The following MRNIP variants were observed in gnomAD, a reference collection of about 807,000 sequenced individuals.
The protein encoded by MRNIP is MRN complex interacting protein, also known as MRN complex-interacting protein.
A neutral mutation model predicts 29.8 loss-of-function variants in MRNIP; 30 were observed. That is an observed-to-expected ratio of 1.01 (90% CI 0.75 to 1.36). MRNIP has a LOEUF of 1.36. Among genes scored for constraint, MRNIP ranks in the 40% most tolerant of loss-of-function variants. MRNIP has a pLI of 0.00. For synonymous variants in MRNIP, 201 were observed against 164.1 expected, an observed-to-expected ratio of 1.23 and a Z score of -1.72; for missense variants, 459 against 423.5, an observed-to-expected ratio of 1.08 and a Z score of -0.74.
rs745619371 is a variant in MRNIP, at chr5:179,844,184, C to T, written c.259G>A (p.Gly87Arg). The T allele has an allele frequency of 6.2e-7, 1 of 1,614,108 alleles. No homozygotes were observed. Among genetic ancestry groups the T allele is most frequent in the Admixed American group, 1.7e-5 (1 of 60,016 alleles). ...TVSASEEENV[G>R]HQQAGNVKQQ... is the part of the protein sequence containing the mutation. The stretch of plus-strand genomic sequence containing the variant: ...TTCACATTCCCAGCCTGCTGGTGTC[C>T]CACGTTTTCTTCTTCACTGGCACTG... Residue 87 changes from glycine to arginine, a missense_variant, in exon 4 of 7, where the codon GGA becomes AGA. Coordinates refer to ENST00000292586, the MANE Select transcript of MRNIP (RefSeq NM_016175.4).
intron 1 of MRNIP, among the ~76,000 whole-genome samples, chr5:179,854,393 T>C (rs1759498005): frequency 6.6e-6 from 1 of 152,210 alleles, no homozygotes; most frequent in South Asian, 2.1e-4. Flanking sequence ...ACATTTAGCG[T>C]ATCATAATCA....
chr5:179,843,927 G>C (rs534058968), intron 4 of MRNIP, among the ~76,000 whole-genome samples: 1 of 152,252 alleles, frequency 6.6e-6, no homozygotes, highest in East Asian at 1.9e-4. Flanking sequence ...GCAGACAGAG[G>C]AGAGAGTCCT....
intron 2 of MRNIP, among the ~76,000 whole-genome samples, chr5:179,849,402 T>C (rs1423404285): frequency 8.0e-4 from 105 of 131,804 alleles, no homozygotes; most frequent in African/African-American, 2.9e-3. Context: ...TGGTAAGAGA[T>C]GGAATTTGTG....
chr5:179,851,153 T>C (rs762295097), intron 2 of MRNIP: 19 of 450,554 alleles, frequency 4.2e-5, no homozygotes, highest in Non-Finnish European at 6.7e-5. Context: ...CACAGAGGCA[T>C]TGAGGGGAGT....
At chr5:179,855,453 C>T (rs1036259329) in intron 1 of MRNIP, among the ~76,000 whole-genome samples, 24 of 152,142 alleles carry the variant, frequency 1.6e-4, no homozygotes, top group African/African-American at 1.9e-4. Context: ...ATTTTTTATC[C>T]GAAAACCAAC....
chr5:179,852,365 T>C (rs570381927), intron 2 of MRNIP, among the ~76,000 whole-genome samples: 2 of 151,816 alleles, frequency 1.3e-5, no homozygotes, highest in East Asian at 1.9e-4. Context: ...GCTGGTCACG[T>C]GGATAAAGAG....
Position 179,838,223 on chromosome 5 carries a change from G to A in MRNIP, c.538-338C>T, listed in dbSNP as rs554693479. 8.9e-6 allele frequency: 3 copies of A among 338,140 alleles called. No individual in the cohort carries two copies. In the South Asian group the frequency reaches 1.1e-4, roughly 12 times the overall value. 20.9% of individuals were successfully genotyped at this position (338,140 alleles called of 1,614,324 possible). On this transcript the variant is annotated intron_variant, in intron 6 of 6. Transcript: ENST00000292586. ...AGAAGGGCCTCGAGACATCGGGAAA[G>A]GGGTGCGCTGGCTCCATTCTGCTAC...
At chr5:179,848,364 A>G (rs1477589735) in intron 2 of MRNIP, among the ~76,000 whole-genome samples, 1 of 152,240 alleles carries the variant, frequency 6.6e-6, no homozygotes, top group Non-Finnish European at 1.5e-5. Flanking sequence ...CACATGAGTA[A>G]AAAGGTCACA....
intron 2 of MRNIP, among the ~76,000 whole-genome samples, chr5:179,850,450 C>T (rs1391337399): frequency 6.6e-6 from 1 of 152,214 alleles, no homozygotes. Context: ...TCCTCAACAC[C>T]CCACTGGCAG....
intron 1 of MRNIP, among the ~76,000 whole-genome samples, chr5:179,854,889 T>C (rs991568596): frequency 2.0e-5 from 3 of 152,200 alleles, no homozygotes; most frequent in South Asian, 4.1e-4. Context: ...CCCACTCTAA[T>C]GCTGGAGAAT....
At chr5:179,847,786 C>T (rs538858787) in intron 3 of MRNIP, 192 bp downstream of exon 3, 361 of 543,404 alleles carry the variant, frequency 6.6e-4, no homozygotes, top group Admixed American at 5.4e-4. Flanking sequence ...AAGCTCAGCC[C>T]CAGTATTCTA....
rs1244491042 is a variant in MRNIP at position 179,853,387 on chromosome 5, G to C, written c.117C>G (p.Ser39=). Residue 39 remains serine, a synonymous_variant, in exon 2 of 7, where the codon TCC becomes TCG. Transcript: ENST00000292586. ...GTTTTGTAGGACTCACCTGCAAAAA[G>C]GACTGCTTCTCTCCACAAGCTTTGC... ...WTCKACGEKQ[S]FLQAYGEGSG... The C allele has an allele frequency of 8.7e-6, 14 of 1,612,986 alleles. No individual in the cohort carries two copies. Among genetic ancestry groups the C allele is most frequent in the Non-Finnish European group, 1.2e-5 (14 of 1,179,698 alleles).
intron 2 of MRNIP, among the ~76,000 whole-genome samples, chr5:179,851,871 A>G (rs1044269853): frequency 1.3e-5 from 2 of 152,112 alleles, no homozygotes; most frequent in East Asian, 3.9e-4. Flanking sequence ...CCAGCTACTC[A>G]GGAGGCTGAG....
chr5:179,854,763 C>T (rs1220225788), intron 1 of MRNIP, among the ~76,000 whole-genome samples: 1 of 150,990 alleles, frequency 6.6e-6, no homozygotes, highest in Non-Finnish European at 1.5e-5. Context: ...AAAAAAATTC[C>T]ATAATATTTA....
intron 3 of MRNIP, 29 bp from the exon 4 acceptor site, chr5:179,844,256 T>C (rs145118308): frequency 1.3e-6 from 2 of 1,590,342 alleles, no homozygotes; most frequent in Non-Finnish European, 1.7e-6. Flanking sequence ...ATATGCCCTT[T>C]GAAAAATGAC....
At chr5:179,854,808 G>A (rs995626132) in intron 1 of MRNIP, among the ~76,000 whole-genome samples, 3 of 151,800 alleles carry the variant, frequency 2.0e-5, no homozygotes, top group African/African-American at 4.8e-5. Context: ...AAAAAATTCC[G>A]TAACATTTAT....
chr5:179,841,789 G>T, intron 5 of MRNIP, 118 bp downstream of exon 5: 1 of 1,093,204 alleles, frequency 9.1e-7, no homozygotes, highest in Non-Finnish European at 1.3e-6. Flanking sequence ...CCCACCTGCT[G>T]GCACTTGCCA....
intron 2 of MRNIP, among the ~76,000 whole-genome samples, chr5:179,850,000 GA>G (rs1333153463): frequency 6.6e-6 from 1 of 151,498 alleles, no homozygotes; most frequent in African/African-American, 2.4e-5. Flanking sequence ...GATGGTACGA[GA>G]CGGAATTTGA....
intron 2 of MRNIP, chr5:179,851,375 G>A: frequency 2.2e-6 from 1 of 456,102 alleles, no homozygotes; most frequent in South Asian, 1.5e-5. Context: ...CTTCCAGTTG[G>A]CTTGGAATGA....
Sources: allele counts gnomAD v4.1 joint callset (sites outside exome capture counted in the v4.1 genomes callset), GRCh38; gene constraint gnomAD v4.1.1; transcripts MANE v1.5; gene names NCBI Gene and HGNC (gene_info 2026-07-23, HGNC 2026-07-21).